ARID1B: variants seen among roughly 807,000 people sequenced by gnomAD.
The protein encoded by ARID1B is AT-rich interactive domain-containing protein 1B.
A neutral mutation model predicts 212.3 loss-of-function variants in ARID1B; 30 were observed. The ratio of observed to expected loss-of-function variants is 0.14; its 90% CI spans 0.11 to 0.19. The LOEUF (loss-of-function observed/expected upper bound fraction) is 0.19, where lower values mean the gene tolerates loss of function less well. ARID1B is among the 10% of genes least tolerant of loss of function. The pLI, the probability that ARID1B is intolerant of heterozygous loss-of-function variation, is 1.00. For synonymous variants in ARID1B, 1,402 were observed against 1,301.7 expected (o/e 1.08, Z -1.66); for missense variants, 2,891 against 3,204.0 (o/e 0.90, Z 2.36).
chr6:156,888,077 C>G (rs1015886202), intron 2 of ARID1B, among the ~76,000 whole-genome samples: 1 of 152,240 alleles, frequency 6.6e-6, no homozygotes, highest in African/African-American at 2.4e-5. Flanking sequence ...ATGTCCCAGT[C>G]ATGCGGTTAC....
intron 4 of ARID1B, among the ~76,000 whole-genome samples, chr6:157,057,438 A>G (rs1400861416): frequency 2.0e-5 from 3 of 152,076 alleles, no homozygotes. Context: ...ATATACACAC[A>G]TCTATAACTG....
chr6:157,021,177 T>A (rs1322610728), intron 4 of ARID1B, among the ~76,000 whole-genome samples: 1 of 152,082 alleles, frequency 6.6e-6, no homozygotes, highest in African/African-American at 2.4e-5. Flanking sequence ...CCGCCAGCTC[T>A]CAGGCCTCGC....
At chr6:156,960,183 C>A (rs1233497664) in intron 4 of ARID1B, among the ~76,000 whole-genome samples, 1 of 152,098 alleles carries the variant, frequency 6.6e-6, no homozygotes. Context: ...CCCACCTCGG[C>A]CTCCCACAGT....
At chr6:157,010,438 T>C (rs2128452816) in intron 4 of ARID1B, among the ~76,000 whole-genome samples, 1 of 152,138 alleles carries the variant, frequency 6.6e-6, no homozygotes, top group East Asian at 1.9e-4. Context: ...TTCTTCTGCC[T>C]CAGCCTCCCG....
intron 4 of ARID1B, chr6:156,985,360 G>T (rs1777858694): frequency 6.6e-6 from 1 of 152,248 alleles, no homozygotes; most frequent in Admixed American, 6.5e-5. Context: ...TGTATAAAAT[G>T]TAAAGGAAGG....
chr6:156,829,129 G>T, intron 1 of ARID1B, 98 bp from the exon 2 acceptor site: 1 of 964,800 alleles, frequency 1.0e-6, no homozygotes, highest in Non-Finnish European at 1.5e-6. Flanking sequence ...AAAACTTAAG[G>T]ATAGTTGTGT....
intron 4 of ARID1B, among the ~76,000 whole-genome samples, chr6:157,005,567 A>G (rs1263680498): frequency 6.6e-6 from 1 of 152,206 alleles, no homozygotes; most frequent in Non-Finnish European, 1.5e-5. Context: ...AGCCCAGAGT[A>G]GGCAAGTAAG....
intron 4 of ARID1B, among the ~76,000 whole-genome samples, chr6:156,974,135 A>C (rs1777092574): frequency 6.6e-6 from 1 of 152,208 alleles, no homozygotes; most frequent in South Asian, 2.1e-4. Context: ...AGTTTTTACT[A>C]TTTATATTTC....
At chr6:156,970,817 G>C (rs1776873024) in intron 4 of ARID1B, among the ~76,000 whole-genome samples, 1 of 152,286 alleles carries the variant, frequency 6.6e-6, no homozygotes, top group South Asian at 2.1e-4. Context: ...GTTGGAGAGG[G>C]GGCCCATCTT....
intron 2 of ARID1B, chr6:156,829,774 A>G (rs1279433964): frequency 1.7e-5 from 3 of 177,770 alleles, no homozygotes; most frequent in Admixed American, 6.0e-5. Context: ...AGCTGTGAAT[A>G]GACCATCTTA....
chr6:157,072,140 T>C (rs1784040210), intron 4 of ARID1B: 1 of 152,350 alleles, frequency 6.6e-6, no homozygotes, highest in South Asian at 2.1e-4. Context: ...AAAATACTAA[T>C]GTGATTTCAT....
At chr6:157,142,016 C>T (rs1337404233) in intron 7 of ARID1B, among the ~76,000 whole-genome samples, 1 of 152,180 alleles carries the variant, frequency 6.6e-6, no homozygotes, top group Non-Finnish European at 1.5e-5. Flanking sequence ...GAAACCATAT[C>T]CAAGAATGGA....
intron 2 of ARID1B, among the ~76,000 whole-genome samples, chr6:156,865,689 T>A (rs1393676377): frequency 6.6e-6 from 1 of 152,132 alleles, no homozygotes; most frequent in Non-Finnish European, 1.5e-5. Flanking sequence ...TCTTCTTCTA[T>A]TTTTCATGTC....
At chr6:157,112,922 CTTT>C (rs573564655) in intron 6 of ARID1B, among the ~76,000 whole-genome samples, 3 of 137,256 alleles carry the variant, frequency 2.2e-5, no homozygotes, top group Non-Finnish European at 1.6e-5. Context: ...ATGACCACTT[CTTT>C]TTTTTTTTTT....
chr6:156,976,530 G>A (rs1185683618), intron 4 of ARID1B: 1 of 214,204 alleles, frequency 4.7e-6, no homozygotes, highest in African/African-American at 2.4e-5. Context: ...TCCAAGGGAG[G>A]ATTGAAAAAA....
chr6:157,056,368 T>A lies in ARID1B; in HGVS notation c.2248-28294T>A, dbSNP rs185870190. 5.3e-5 allele frequency among the ~76,000 whole-genome samples: 8 copies of A among 152,356 alleles called. No homozygotes were observed. The East Asian group carries it at 1.5e-3, about 29-fold the overall frequency. ...TGAGAGTGGGATATTATGGAACATATTTGACTGACAACATTGAAAAGAAAT... is the reference window on the plus strand; with the variant it reads ...TGAGAGTGGGATATTATGGAACATAATTGACTGACAACATTGAAAAGAAAT... On this transcript the variant is annotated intron_variant, in intron 4 of 19. Transcript: ENST00000636930.
intron 5 of ARID1B, among the ~76,000 whole-genome samples, chr6:157,103,341 G>C (rs1175635110): frequency 1.3e-5 from 2 of 151,982 alleles, no homozygotes; most frequent in African/African-American, 4.8e-5. Flanking sequence ...TGAATTTTCT[G>C]TCTGTATGGA....
At chr6:156,981,415 C>G (rs79635529) in intron 4 of ARID1B, among the ~76,000 whole-genome samples, 612 of 152,194 alleles carry the variant, frequency 4.0e-3, no homozygotes, top group Non-Finnish European at 7.2e-3. Context: ...CCCAGGTCAT[C>G]TAAGTTTTCA....
Position 157,034,841 on chromosome 6 carries a change from G to A in ARID1B, c.2248-49821G>A, listed in dbSNP as rs780084023. ...GGATGTAAAGGATACTTGAACTAGG[G>A]TACATATATATGTAAACAATAGTGC... On this transcript the variant is annotated intron_variant, in intron 4 of 19. Coordinates refer to ENST00000636930, the MANE Select transcript of ARID1B (RefSeq NM_001374828.1). 2.0e-5 allele frequency among the ~76,000 whole-genome samples: 3 copies of A among 152,164 alleles called. No individual in the cohort carries two copies. The South Asian group carries it at 6.2e-4, about 32-fold the overall frequency.
Sources: gnomAD v4.1 joint callset for allele counts (sites outside exome capture counted in the v4.1 genomes callset) on GRCh38, gnomAD v4.1.1 for gene constraint, MANE v1.5 for transcripts, NCBI Gene and HGNC (gene_info 2026-07-23, HGNC 2026-07-21) for gene names.